The following RTL4 variants were observed in gnomAD, a reference collection of about 807,000 sequenced individuals.
The protein encoded by RTL4 is retrotransposon Gag like 4.
RTL4 carries 4 observed loss-of-function variants against 5.3 expected under a neutral mutation model. The ratio of observed to expected loss-of-function variants is 0.75; its 90% CI spans 0.37 to 1.72. The LOEUF is 1.72. RTL4 is among the 40% of genes most tolerant of loss of function. RTL4 has a pLI of 0.04. For missense variants in RTL4, 260 were observed against 227.1 expected, an observed-to-expected ratio of 1.14 and a Z score of -0.93; for synonymous variants, 98 against 87.3, an observed-to-expected ratio of 1.12 and a Z score of -0.68.
the RTL4 span, among the ~76,000 whole-genome samples, chrX:112,269,982 T>C: frequency 8.9e-6 from 1 of 112,497 alleles, no homozygotes. Flanking sequence ...GGATTAATTA[T>C]GGAGAAGGAT....
the RTL4 span, among the ~76,000 whole-genome samples, chrX:112,330,990 T>C: frequency 9.1e-6 from 1 of 109,320 alleles, no homozygotes; most frequent in Non-Finnish European, 1.9e-5. Context: ...TCCTTATACC[T>C]TATACAAAAA....
At chrX:112,090,857 C>A in the RTL4 span, among the ~76,000 whole-genome samples, 1 of 110,909 alleles carries the variant, frequency 9.0e-6, no homozygotes, top group South Asian at 3.8e-4. Flanking sequence ...TGATAGAATT[C>A]ACCAATGAAG....
At chrX:112,167,948 T>C in the RTL4 span, among the ~76,000 whole-genome samples, 1 of 111,661 alleles carries the variant, frequency 9.0e-6, no homozygotes, top group Non-Finnish European at 1.9e-5. Flanking sequence ...TCTATCTTTG[T>C]ATTTATTTCT....
chrX:112,366,943 G>A, the RTL4 span, among the ~76,000 whole-genome samples: 1 of 111,475 alleles, frequency 9.0e-6, no homozygotes, highest in Non-Finnish European at 1.9e-5. Flanking sequence ...CAAGGCATGG[G>A]CTCTCTGCTA....
the RTL4 span, among the ~76,000 whole-genome samples, chrX:112,396,435 T>C: frequency 3.6e-5 from 4 of 111,541 alleles, no homozygotes; most frequent in Non-Finnish European, 5.6e-5. Context: ...TTCGTTATTA[T>C]AAAGGTGCTT....
chrX:112,171,651 T>G, the RTL4 span, among the ~76,000 whole-genome samples: 18 of 111,885 alleles, frequency 1.6e-4, no homozygotes, highest in Admixed American at 1.5e-3. Context: ...TCTCTTTTCT[T>G]ATCTATTAGT....
chrX:112,159,499 G>C, the RTL4 span, among the ~76,000 whole-genome samples: 1 of 111,639 alleles, frequency 9.0e-6, no homozygotes, highest in African/African-American at 3.3e-5. Context: ...ACATCCAGCG[G>C]GGAAATAGCA....
chrX:112,352,701 C>A, the RTL4 span, among the ~76,000 whole-genome samples: 36 of 85,722 alleles, frequency 4.2e-4, no homozygotes, highest in Non-Finnish European at 2.1e-4. Context: ...TAAAGACTTA[C>A]ATGTTGGCCT....
At chrX:112,383,611 G>T in the RTL4 span, among the ~76,000 whole-genome samples, 2 of 111,845 alleles carry the variant, frequency 1.8e-5, no homozygotes, top group Non-Finnish European at 3.8e-5. Context: ...CCCACCAATG[G>T]TGGACTGGAT....
chrX:112,435,940 A>T, the RTL4 span, among the ~76,000 whole-genome samples: 1 of 111,959 alleles, frequency 8.9e-6, no homozygotes, highest in Non-Finnish European at 1.9e-5. Context: ...TACTAGGCCC[A>T]GCGCGGTAGC....
the RTL4 span, among the ~76,000 whole-genome samples, chrX:112,182,342 A>G: frequency 2.7e-5 from 3 of 112,111 alleles, no homozygotes; most frequent in African/African-American, 9.7e-5. Context: ...AGTTTGACGA[A>G]TTGACAGAAG....
chrX:112,139,956 C>T, the RTL4 span, among the ~76,000 whole-genome samples: 4 of 111,984 alleles, frequency 3.6e-5, no homozygotes, highest in Non-Finnish European at 5.6e-5. Context: ...GTGCCTTTCA[C>T]CTGCAGCCAT....
downstream of RTL4, chrX:112,457,191 C>A (rs1926859438): frequency 1.6e-5 from 2 of 122,972 alleles, no homozygotes; most frequent in South Asian, 7.4e-4. Flanking sequence ...TTAAACCTAA[C>A]TAGGACCTTA....
the RTL4 span, among the ~76,000 whole-genome samples, chrX:112,349,548 G>A: frequency 1.0e-4 from 11 of 104,892 alleles, no homozygotes; most frequent in African/African-American, 3.9e-4. Flanking sequence ...TTGAGCAGTG[G>A]TTTGTAGTTC....
chrX:112,206,943 G>C, the RTL4 span, among the ~76,000 whole-genome samples: 1 of 111,545 alleles, frequency 9.0e-6, no homozygotes, highest in Non-Finnish European at 1.9e-5. Context: ...AATCATCCTT[G>C]ATTTCTGTTT....
the RTL4 span, among the ~76,000 whole-genome samples, chrX:112,100,927 G>A: frequency 1.8e-5 from 2 of 111,745 alleles, no homozygotes; most frequent in Non-Finnish European, 3.8e-5. Context: ...CAGATGTTGG[G>A]TTGATAACTA....
chrX:112,084,082 C>A, the RTL4 span, among the ~76,000 whole-genome samples: 1 of 111,241 alleles, frequency 9.0e-6, no homozygotes, highest in Non-Finnish European at 1.9e-5. Context: ...TGCTCTTTAA[C>A]CCCCTCTGCA....
chrX:112,169,917 C>T, the RTL4 span, among the ~76,000 whole-genome samples: 1 of 111,852 alleles, frequency 8.9e-6, no homozygotes, highest in Non-Finnish European at 1.9e-5. Flanking sequence ...ACAGACACAT[C>T]AGGAATTTGC....
At chrX:112,387,149 A>G in the RTL4 span, among the ~76,000 whole-genome samples, 1 of 109,462 alleles carries the variant, frequency 9.1e-6, no homozygotes, top group Non-Finnish European at 1.9e-5. Flanking sequence ...GGCCATTTGT[A>G]TATTCTTTTG....
Sources: allele counts gnomAD v4.1 joint callset (sites outside exome capture counted in the v4.1 genomes callset), GRCh38; gene constraint gnomAD v4.1.1; transcripts MANE v1.5; gene names NCBI Gene and HGNC (gene_info 2026-07-23, HGNC 2026-07-21).